The following DOCK10 variants were observed in gnomAD, a reference collection of about 807,000 sequenced individuals.
The protein encoded by DOCK10 is dedicator of cytokinesis 10, also known as dedicator of cytokinesis protein 10.
A neutral mutation model predicts 280.1 loss-of-function variants in DOCK10; 145 were observed. The observed-to-expected ratio is 0.52, with a 90% CI of 0.45 to 0.59. The LOEUF is 0.59. DOCK10 is among the 20% of genes least tolerant of loss of function. DOCK10 has a pLI of 0.00. For synonymous variants in DOCK10, 915 were observed against 942.2 expected, an observed-to-expected ratio of 0.97 and a Z score of 0.53; for missense variants, 2,368 against 2,651.7, an observed-to-expected ratio of 0.89 and a Z score of 2.35.
chr2:224,842,306 G>A (rs1173631481), intron 22 of DOCK10, among the ~76,000 whole-genome samples: 13 of 152,004 alleles, frequency 8.6e-5, no homozygotes, highest in Admixed American at 8.5e-4. Context: ...ATATCTACAG[G>A]GCATATTTTT....
At chr2:225,000,925 G>A (rs77163547) in intron 1 of DOCK10, among the ~76,000 whole-genome samples, 5,612 of 152,280 alleles carry the variant, frequency 0.037, 243 homozygotes, top group East Asian at 0.14. Flanking sequence ...GCAGTGAGCC[G>A]AGATCGTGCC....
chr2:224,947,108 G>C, intron 1 of DOCK10: 1 of 1,327,188 alleles, frequency 7.5e-7, no homozygotes, highest in Non-Finnish European at 9.7e-7. Flanking sequence ...GGAAAGGAAA[G>C]CTGTCAAGTT....
rs116831100 is a variant in DOCK10, at chr2:224,946,229, T to G, written c.124-14561A>C. Among the ~76,000 whole-genome samples the G allele has an allele frequency of 6.2e-3, 941 of 152,354 alleles. 12 individuals are homozygous for G. Among genetic ancestry groups the G allele is most frequent in the African/African-American group, 0.02 (832 of 41,580 alleles). The stretch of plus-strand genomic sequence containing the variant: ...TAAAGTTCTGTAATAAGTACAGGTT[T>G]TCAAGCTCTCATTTTGTTTGCAAAC... On this transcript the variant is annotated intron_variant, in intron 1 of 55. Transcript: ENST00000258390.
At chr2:224,787,188 G>C in intron 49 of DOCK10, 53 bp from the exon 50 acceptor site, 1 of 1,605,410 alleles carries the variant, frequency 6.2e-7, no homozygotes, top group Non-Finnish European at 8.5e-7. Flanking sequence ...ATACAAATAA[G>C]GGAGTTTTTA....
At chr2:224,898,038 A>T (rs927271097) in intron 3 of DOCK10, among the ~76,000 whole-genome samples, 4 of 152,192 alleles carry the variant, frequency 2.6e-5, no homozygotes, top group African/African-American at 7.2e-5. Context: ...AGGAGTAAAG[A>T]CCTGTGATTG....
chr2:224,997,463 C>A (rs565629190), intron 1 of DOCK10, among the ~76,000 whole-genome samples: 2 of 152,046 alleles, frequency 1.3e-5, no homozygotes, highest in East Asian at 1.9e-4. Context: ...AACTCTTGAC[C>A]ACAGGTGATC....
chr2:224,979,617 C>T (rs1705640015), intron 1 of DOCK10, among the ~76,000 whole-genome samples: 1 of 152,258 alleles, frequency 6.6e-6, no homozygotes, highest in Admixed American at 6.5e-5. Flanking sequence ...GGGCCTTTCG[C>T]CTTGGCGGGT....
At chr2:224,878,572 T>C (rs1250098053) in intron 7 of DOCK10, among the ~76,000 whole-genome samples, 2 of 152,198 alleles carry the variant, frequency 1.3e-5, no homozygotes, top group Non-Finnish European at 2.9e-5. Flanking sequence ...GCCTGGGAGT[T>C]GTGGTTTCTC....
In DOCK10 at chr2:224,798,113, T is replaced by G. The variant is rs139247871; in HGVS notation, c.4507-144A>C. 1.5e-4 allele frequency: 114 copies of G among 760,538 alleles called. 1 individual carries two copies. The East Asian group carries it at 2.6e-3, about 17-fold the overall frequency. 47.1% of individuals were successfully genotyped at this position (760,538 alleles called of 1,614,324 possible). On this transcript the variant is annotated intron_variant, in intron 41 of 55. Coordinates refer to ENST00000258390, the MANE Select transcript of DOCK10 (RefSeq NM_014689.3). ...GGATTGAACAAGGAGACACAGTTCA[T>G]GTTTACTGTGAAACTTACATAGCAG...
At position 224,805,037 on chromosome 2, in the gene DOCK10, G is replaced by C; in HGVS notation, c.4118+21C>G. 1 of 1,585,472 alleles carries C rather than the reference G, an allele frequency of 6.3e-7. No individual in the cohort carries two copies. The highest frequency in any genetic ancestry group is 8.6e-7 in the Non-Finnish European group (1 of 1,167,334). ...AGAAATTTCCAGAAAAAAGTGTTAA[G>C]TCATCAACTCTAAAACTTACTCCAA... On this transcript the variant is annotated intron_variant, in intron 37 of 55. Coordinates refer to ENST00000258390, the MANE Select transcript of DOCK10 (RefSeq NM_014689.3). This position sits in a 1 kb window ranked among gnomAD's most constrained non-coding sequence, Gnocchi z 4.3.
chr2:224,827,400 C>T (rs182068214), intron 27 of DOCK10, among the ~76,000 whole-genome samples: 20 of 152,102 alleles, frequency 1.3e-4, no homozygotes, highest in Non-Finnish European at 2.1e-4. Flanking sequence ...AAAGGGGTCA[C>T]GGAAAGCAAA....
intron 11 of DOCK10, 141 bp downstream of exon 11, chr2:224,873,855 G>T: frequency 1.2e-6 from 1 of 828,036 alleles, no homozygotes; most frequent in South Asian, 2.2e-5. Context: ...TGTAATGTGG[G>T]AAAAGGCTGT....
chr2:225,002,863 GGCATCTCGTC>G (rs1706475290), intron 1 of DOCK10, among the ~76,000 whole-genome samples: 2 of 152,114 alleles, frequency 1.3e-5, no homozygotes, highest in Non-Finnish European at 2.9e-5. Flanking sequence ...GCCAGCAGGT[GGCATCTCGTC>G]ACCCACAGAA....
At chr2:224,914,426 G>T (rs528219633) in intron 3 of DOCK10, among the ~76,000 whole-genome samples, 1 of 152,168 alleles carries the variant, frequency 6.6e-6, no homozygotes, top group South Asian at 2.1e-4. Context: ...AAGGCAACTC[G>T]GTATTAAGGT....
intron 1 of DOCK10, among the ~76,000 whole-genome samples, chr2:224,965,089 T>A (rs1444565540): frequency 6.6e-6 from 1 of 152,236 alleles, no homozygotes; most frequent in Non-Finnish European, 1.5e-5. Flanking sequence ...TGCAAAAATA[T>A]CAGCAATGAA....
chr2:224,788,741 C>T lies in DOCK10; in HGVS notation c.5418+323G>A, dbSNP rs1379924742. 5.3e-5 allele frequency among the ~76,000 whole-genome samples: 8 copies of T among 152,248 alleles called. No homozygotes were observed. In the East Asian group the frequency reaches 1.3e-3, roughly 26 times the overall value. On this transcript the variant is annotated intron_variant, in intron 48 of 55. Transcript: ENST00000258390. ...CCACCTGCATTTGTAAATAAACTTGCTAATGCTTTTAGAAAGAAAGCTATG... is the reference window on the plus strand; with the variant it reads ...CCACCTGCATTTGTAAATAAACTTGTTAATGCTTTTAGAAAGAAAGCTATG...
At chr2:224,793,565 C>A in intron 45 of DOCK10, 108 bp from the exon 46 acceptor site, 1 of 739,112 alleles carries the variant, frequency 1.4e-6, no homozygotes, top group South Asian at 2.3e-5. Context: ...TTAGAAGGAT[C>A]CTTTGTAATC....
intron 3 of DOCK10, among the ~76,000 whole-genome samples, chr2:224,901,532 CAAA>C (rs1700296621): frequency 6.6e-6 from 1 of 152,114 alleles, no homozygotes. Context: ...GTTTAGACAC[CAAA>C]AAGCAGGCCA....
chr2:225,023,767 T>C (rs1390743077), intron 1 of DOCK10, among the ~76,000 whole-genome samples: 2 of 152,070 alleles, frequency 1.3e-5, no homozygotes, highest in Non-Finnish European at 2.9e-5. Context: ...AACTAAATGA[T>C]ATGAAAACAA....
Sources: allele counts gnomAD v4.1 joint callset (sites outside exome capture counted in the v4.1 genomes callset), GRCh38; gene constraint gnomAD v4.1.1; non-coding constraint Gnocchi (gnomAD v3.1); transcripts MANE v1.5; gene names NCBI Gene and HGNC (gene_info 2026-07-23, HGNC 2026-07-21).